The following GLG1 variants were observed in gnomAD, a reference collection of about 807,000 sequenced individuals.
GLG1 encodes golgi glycoprotein 1.
GLG1 carries 38 observed loss-of-function variants against 160.5 expected under a neutral mutation model. That is an observed-to-expected ratio of 0.24 (90% CI 0.18 to 0.31). The LOEUF (loss-of-function observed/expected upper bound fraction) is 0.31, where lower values mean the gene tolerates loss of function less well. GLG1 is among the 10% of genes least tolerant of loss of function. The pLI, the probability that GLG1 is intolerant of heterozygous loss-of-function variation, is 1.00. For synonymous variants in GLG1, 644 were observed against 543.4 expected (o/e 1.19, Z -2.57); for missense variants, 1,373 against 1,505.2 (o/e 0.91, Z 1.45).
At chr16:74,591,066 C>T (rs1237926023) in intron 1 of GLG1, among the ~76,000 whole-genome samples, 1 of 152,174 alleles carries the variant, frequency 6.6e-6, no homozygotes, top group Non-Finnish European at 1.5e-5. Flanking sequence ...GATGCCGTGG[C>T]TCACACCTGT....
At position 74,462,082 on chromosome 16, in the gene GLG1, C is replaced by T. The variant is rs147126485; in HGVS notation, c.3036+12G>A. The T allele has an allele frequency of 2.6e-5, 38 of 1,482,328 alleles. No individual in the cohort carries two copies. Among genetic ancestry groups the T allele is most frequent in the Admixed American group, 2.2e-4 (13 of 58,366 alleles). 91.8% of individuals were successfully genotyped at this position (1,482,328 alleles called of 1,614,324 possible). ...AGCTCTGTGCGTAACCAGTTTTGCACGCAAATCCCACCTCGTCTGAGCAGT... is the reference window on the plus strand; with the variant it reads ...AGCTCTGTGCGTAACCAGTTTTGCATGCAAATCCCACCTCGTCTGAGCAGT... On this transcript the variant is annotated intron_variant, in intron 22 of 25. Coordinates refer to ENST00000422840, the MANE Select transcript of GLG1 (RefSeq NM_001145667.2).
In GLG1 at chr16:74,456,635, C is replaced by G; in HGVS notation, c.3372+14G>C. 6.5e-7 allele frequency: 1 copy of G among 1,528,634 alleles called. No individual in the cohort carries two copies. Among genetic ancestry groups the G allele is most frequent in the South Asian group, 1.2e-5 (1 of 86,302 alleles). The allele number at this position is 1,528,634 out of a possible 1,614,324, so 94.7% of individuals were successfully genotyped here. ...TTTTGTTTTTTTAAAAAAGGAGATT[C>G]TCTTGGTCATTACCTTTGCTGCGTA... On this transcript the variant is annotated intron_variant, in intron 25 of 25. Coordinates refer to ENST00000422840, the MANE Select transcript of GLG1 (RefSeq NM_001145667.2).
At chr16:74,500,465 CACAAAAAAAA>C (rs1047544688) in intron 4 of GLG1, among the ~76,000 whole-genome samples, 8 of 148,144 alleles carry the variant, frequency 5.4e-5, no homozygotes, top group Non-Finnish European at 1.0e-4. Flanking sequence ...CAACGGCCCC[CACAAAAAAAA>C]ACAAAAAAAA....
chr16:74,462,004 G>A (rs931166464), intron 22 of GLG1, 90 bp downstream of exon 22: 9 of 698,034 alleles, frequency 1.3e-5, no homozygotes, highest in African/African-American at 8.8e-5. Flanking sequence ...GATCATTCAC[G>A]GCTGAAGGGA....
At chr16:74,591,827 T>G (rs766103928) in intron 1 of GLG1, among the ~76,000 whole-genome samples, 22 of 152,130 alleles carry the variant, frequency 1.4e-4, no homozygotes, top group Non-Finnish European at 2.6e-4. Context: ...TTTCAGTAAT[T>G]TTTGAATTTA....
At chr16:74,527,245 CTT>C (rs71158522) in intron 2 of GLG1, among the ~76,000 whole-genome samples, 8 of 83,100 alleles carry the variant, frequency 9.6e-5, no homozygotes, top group Non-Finnish European at 1.4e-4. Flanking sequence ...TAAGTCAGTT[CTT>C]TTTTTTTTTT....
chr16:74,522,165 C>G (rs1344507105), intron 2 of GLG1, among the ~76,000 whole-genome samples: 2 of 152,184 alleles, frequency 1.3e-5, no homozygotes, highest in Non-Finnish European at 2.9e-5. Flanking sequence ...TAATAGAATT[C>G]AAATACTTAT....
chr16:74,459,458 G>A (rs977046829), intron 23 of GLG1, among the ~76,000 whole-genome samples: 9 of 152,206 alleles, frequency 5.9e-5, no homozygotes, highest in African/African-American at 1.9e-4. Flanking sequence ...GGGCAACAGA[G>A]CGAGACTCCG....
At chr16:74,550,431 G>A (rs377130976) in intron 1 of GLG1, among the ~76,000 whole-genome samples, 13 of 151,962 alleles carry the variant, frequency 8.6e-5, no homozygotes, top group African/African-American at 2.7e-4. Flanking sequence ...CTTCATGCCT[G>A]GCAATGTGTC....
chr16:74,501,674 C>A (rs1855124008), intron 4 of GLG1, among the ~76,000 whole-genome samples: 1 of 152,128 alleles, frequency 6.6e-6, no homozygotes, highest in South Asian at 2.1e-4. Flanking sequence ...GGTGAAAAAG[C>A]CTCATTTCTG....
chr16:74,454,711 T>G (rs1429076040), intron 25 of GLG1, among the ~76,000 whole-genome samples: 17 of 147,004 alleles, frequency 1.2e-4, no homozygotes, highest in African/African-American at 4.0e-4. Flanking sequence ...TTTTTTTTTT[T>G]GTTAGAGATG....
rs561695853 is a variant in GLG1, at chr16:74,599,795, T to C, written c.438+6862A>G. ...AGGAGAATGGCGTGAACCCGGGAGG[T>C]AGAGCTTGCAGTGAGCCGAGATCGC... is the stretch of plus-strand genomic sequence containing the variant. On this transcript the variant is annotated intron_variant, in intron 1 of 25. Transcript: ENST00000422840. Among the ~76,000 whole-genome samples the C allele has an allele frequency of 2.6e-3, 393 of 149,692 alleles. 4 individuals carry two copies. Among genetic ancestry groups the C allele is most frequent in the African/African-American group, 9.1e-3 (370 of 40,544 alleles).
intron 1 of GLG1, among the ~76,000 whole-genome samples, chr16:74,557,063 A>G (rs2018373886): frequency 6.6e-6 from 1 of 152,198 alleles, no homozygotes; most frequent in Non-Finnish European, 1.5e-5. Context: ...AAGAATCTTT[A>G]TATTTTTGCA....
chr16:74,555,397 GGA>G (rs2018324162), intron 1 of GLG1, among the ~76,000 whole-genome samples: 1 of 152,108 alleles, frequency 6.6e-6, no homozygotes, highest in Non-Finnish European at 1.5e-5. Flanking sequence ...ATTTAAAATG[GGA>G]TTCCAGGCTG....
Position 74,574,883 on chromosome 16 carries a change from C to CAAAAAAAAAAAAAAAAAAAAA in GLG1, c.438+31753_438+31773dup, listed in dbSNP as rs531720341. Among the ~76,000 whole-genome samples the CAAAAAAAAAAAAAAAAAAAAA allele has an allele frequency of 8.1e-5, 2 of 24,792 alleles. 1 individual carries two copies. The highest frequency in any genetic ancestry group is 1.2e-4 in the Non-Finnish European group (2 of 17,110). The allele number at this position is 24,792 out of a possible 152,430, so 16.3% of individuals were successfully genotyped here. On this transcript the variant is annotated intron_variant, in intron 1 of 25. Transcript: ENST00000422840. Reference sequence around the variant, plus strand: ...TGGGTAAGAGAGCAAGACTCTGTCTCAAAAAAAAAAAAAAAAAAAAAAAAA... The same window carrying CAAAAAAAAAAAAAAAAAAAAA: ...TGGGTAAGAGAGCAAGACTCTGTCTCAAAAAAAAAAAAAAAAAAAAAAAAAAAAAAAAAAAAAAAAAAAAAA...
intron 1 of GLG1, among the ~76,000 whole-genome samples, chr16:74,573,115 A>G (rs937784307): frequency 2.0e-5 from 3 of 152,208 alleles, no homozygotes; most frequent in African/African-American, 7.2e-5. Context: ...GGTTTTTCAC[A>G]TATCCTCAGA....
In GLG1 at chr16:74,477,385, A is replaced by G; in HGVS notation, c.1965+11T>C. The G allele has an allele frequency of 1.0e-5, 16 of 1,601,886 alleles. No individual in the cohort carries two copies. Among genetic ancestry groups the G allele is most frequent in the Non-Finnish European group, 1.4e-5 (16 of 1,168,952 alleles). ...ATTATTGTAAGACAAACAGAAAGCGATGTCACCTACCTGTCCAGTCTCTGT... is the reference window on the plus strand; with the variant it reads ...ATTATTGTAAGACAAACAGAAAGCGGTGTCACCTACCTGTCCAGTCTCTGT... On this transcript the variant is annotated intron_variant, in intron 12 of 25. Coordinates refer to ENST00000422840, the MANE Select transcript of GLG1 (RefSeq NM_001145667.2).
At chr16:74,495,858 G>T (rs1011481983) in intron 5 of GLG1, among the ~76,000 whole-genome samples, 1 of 152,186 alleles carries the variant, frequency 6.6e-6, no homozygotes, top group Non-Finnish European at 1.5e-5. Context: ...CAGTCATCAA[G>T]GTTGAGCATC....
chr16:74,598,832 C>A (rs917960989), intron 1 of GLG1, among the ~76,000 whole-genome samples: 2 of 151,628 alleles, frequency 1.3e-5, no homozygotes, highest in East Asian at 3.9e-4. Context: ...TGCAGTGAGT[C>A]GAGATCATTC....
Sources: gnomAD v4.1 joint callset for allele counts (sites outside exome capture counted in the v4.1 genomes callset) on GRCh38, gnomAD v4.1.1 for gene constraint, MANE v1.5 for transcripts, NCBI Gene and HGNC (gene_info 2026-07-23, HGNC 2026-07-21) for gene names.